TBC1D16: variants seen among roughly 807,000 people sequenced by gnomAD.
TBC1D16 encodes CTD-2529O21.1.
In TBC1D16, 58 loss-of-function variants were observed where a neutral mutation model predicts 74.7. That is an observed-to-expected ratio of 0.78 (90% confidence interval 0.63 to 0.97). The LOEUF (loss-of-function observed/expected upper bound fraction) is 0.97. Ranked by LOEUF, TBC1D16 falls within the 50% of genes least tolerant of loss-of-function variation. The probability of loss-of-function intolerance (pLI) is 0.00; values close to 1 mark genes in which losing one functional copy is unlikely to be tolerated. For synonymous variants in TBC1D16, 493 were observed against 474.7 expected (o/e 1.04, Z -0.50); for missense variants, 1,014 against 1,079.5 (o/e 0.94, Z 0.85).
chr17:79,951,687 G>C lies in TBC1D16; in HGVS notation c.942-90C>G, dbSNP rs1170357981. On this transcript the variant is annotated intron_variant, in intron 4 of 11. Coordinates refer to ENST00000310924, the MANE Select transcript of TBC1D16 (RefSeq NM_019020.4). Reference sequence around the variant, plus strand: ...CCAAGTATAATCAGAGGCCACTGTCGCCAACCTCAGAAGCAGGAAACAGTG... The same window carrying C: ...CCAAGTATAATCAGAGGCCACTGTCCCCAACCTCAGAAGCAGGAAACAGTG... 14 of 1,458,538 alleles carry C rather than the reference G, an allele frequency of 9.6e-6. No individual in the cohort carries two copies. The South Asian group carries it at 1.7e-4, about 18-fold the overall frequency. The allele number at this position is 1,458,538 out of a possible 1,614,324, so 90.3% of individuals were successfully genotyped here.
At position 79,939,923 on chromosome 17, in the gene TBC1D16, ACAAAGCAGATCATTGT is replaced by A. The variant is rs2031844100; in HGVS notation, c.*920_*935del. 1.3e-5 allele frequency: 2 copies of A among 152,246 alleles called. No homozygotes were observed. The highest frequency in any genetic ancestry group is 2.9e-5 in the Non-Finnish European group (2 of 68,054). 9.4% of individuals were successfully genotyped at this position (152,246 alleles called of 1,614,324 possible). On this transcript the variant is annotated 3_prime_UTR_variant, in exon 12 of 12. Transcript: ENST00000310924. ...GCTAATACACTACCACGTCCCTGGGACAAAGCAGATCATTGTCAGAGGATCTTGCAAACACAAACAC... is the reference window on the plus strand; with the variant it reads ...GCTAATACACTACCACGTCCCTGGGACAGAGGATCTTGCAAACACAAACAC...
rs1335295130 is a variant in TBC1D16 at position 79,975,856 on chromosome 17, C to A, written c.780-23038G>T. 6.6e-6 allele frequency among the ~76,000 whole-genome samples: 1 copy of A among 152,182 alleles called. No individual in the cohort carries two copies. Among genetic ancestry groups the A allele is most frequent in the Non-Finnish European group, 1.5e-5 (1 of 68,038 alleles). On this transcript the variant is annotated intron_variant, in intron 3 of 11. Coordinates refer to ENST00000310924, the MANE Select transcript of TBC1D16 (RefSeq NM_019020.4). The surrounding 1 kb of genome is among the most constrained non-coding windows in gnomAD (Gnocchi z 4.5). ...TGACGGGGTCTGTGCAGAGACCGGG[C>A]AGAGCTCTGGGCTTCAGGATGGCAG... is the stretch of plus-strand genomic sequence containing the variant.
chr17:80,026,968 A>C (rs1218344628), intron 1 of TBC1D16, among the ~76,000 whole-genome samples: 1 of 150,664 alleles, frequency 6.6e-6, no homozygotes, highest in Non-Finnish European at 1.5e-5. Flanking sequence ...AGCCAGCAGA[A>C]CTCCTAAGAC....
intron 3 of TBC1D16, among the ~76,000 whole-genome samples, chr17:79,960,360 A>G (rs1175733847): frequency 2.0e-5 from 3 of 152,214 alleles, no homozygotes; most frequent in African/African-American, 4.8e-5. Flanking sequence ...AAGGTGCTCG[A>G]CAGCATTCAT....
rs184392828 is a variant in TBC1D16, at chr17:80,009,970, G to C, written c.779+190C>G. 6.6e-6 allele frequency among the ~76,000 whole-genome samples: 1 copy of C among 152,310 alleles called. No homozygotes were observed. Among genetic ancestry groups the C allele is most frequent in the East Asian group, 1.9e-4 (1 of 5,162 alleles). ...CACAGTCCTCTCAGTGGGGTGTAAAGTGGGGACTCCCTGCTGAAGCCCTTG... is the reference window on the plus strand; with the variant it reads ...CACAGTCCTCTCAGTGGGGTGTAAACTGGGGACTCCCTGCTGAAGCCCTTG... On this transcript the variant is annotated intron_variant, in intron 3 of 11. Transcript: ENST00000310924. This position sits in a 1 kb window ranked among gnomAD's most constrained non-coding sequence, Gnocchi z 5.4.
At chr17:80,003,805 T>C (rs1447383637) in intron 3 of TBC1D16, among the ~76,000 whole-genome samples, 1 of 152,148 alleles carries the variant, frequency 6.6e-6, no homozygotes, top group African/African-American at 2.4e-5. Context: ...ATCCCAGCAC[T>C]TTGGGAGGTC....
chr17:79,999,724 A>G (rs1370572266), intron 3 of TBC1D16, among the ~76,000 whole-genome samples: 1 of 151,590 alleles, frequency 6.6e-6, no homozygotes, highest in East Asian at 1.9e-4. Context: ...AGTACTTTTT[A>G]GTAGAGACGG....
At chr17:79,984,724 A>C (rs1436741436) in intron 3 of TBC1D16, among the ~76,000 whole-genome samples, 1 of 151,674 alleles carries the variant, frequency 6.6e-6, no homozygotes, top group Non-Finnish European at 1.5e-5. Context: ...AAAAACAGTT[A>C]AAAAGAGCAA....
chr17:80,032,832 A>G (rs2036820410), intron 1 of TBC1D16, among the ~76,000 whole-genome samples: 1 of 152,218 alleles, frequency 6.6e-6, no homozygotes, highest in Admixed American at 6.5e-5. Context: ...TGCTGGATGA[A>G]ACAAAGTAGC....
Position 79,950,366 on chromosome 17 carries a change from C to T in TBC1D16, c.1257+45G>A. The T allele has an allele frequency of 6.5e-7, 1 of 1,541,642 alleles. No individual in the cohort carries two copies. Among genetic ancestry groups the T allele is most frequent in the South Asian group, 1.2e-5 (1 of 81,636 alleles). ...CTTCCCTCTCGCTCGTTCCCGGTTC[C>T]CGGCCGGCTCTCCGCGGGGCCAGCT... On this transcript the variant is annotated intron_variant, in intron 6 of 11. Transcript: ENST00000310924. The surrounding 1 kb of genome is among the most constrained non-coding windows in gnomAD (Gnocchi z 4.6).
intron 3 of TBC1D16, among the ~76,000 whole-genome samples, chr17:79,970,979 C>A (rs1250961233): frequency 1.3e-5 from 2 of 152,170 alleles, no homozygotes; most frequent in South Asian, 2.1e-4. Context: ...GAAGTGATCT[C>A]ATATTGTAAA....
At chr17:80,023,743 A>G (rs2036376745) in intron 1 of TBC1D16, among the ~76,000 whole-genome samples, 1 of 143,736 alleles carries the variant, frequency 7.0e-6, no homozygotes, top group African/African-American at 2.7e-5. Flanking sequence ...CCCTCCCACC[A>G]CCCCGGCCAC....
chr17:80,017,644 G>A (rs935825866), intron 1 of TBC1D16, among the ~76,000 whole-genome samples: 3 of 134,300 alleles, frequency 2.2e-5, no homozygotes, highest in African/African-American at 5.6e-5. Flanking sequence ...TCGCTCCATT[G>A]CACTCCAGCC....
chr17:80,024,707 A>C (rs1342920455), intron 1 of TBC1D16, among the ~76,000 whole-genome samples: 4 of 139,020 alleles, frequency 2.9e-5, no homozygotes, highest in Admixed American at 1.6e-4. Context: ...GCCACACACG[A>C]CACACCATAG....
rs2031374125 is a variant in TBC1D16, at chr17:79,933,317, G to A, written c.*7542C>T. ...TACTGAGGGTCCGTCTCACTGGGAC[G>A]AAGAGGGGGCACAGATGCAGGTATG... On this transcript the variant is annotated 3_prime_UTR_variant, in exon 12 of 12. Coordinates refer to ENST00000310924, the MANE Select transcript of TBC1D16 (RefSeq NM_019020.4). The A allele has an allele frequency of 2.0e-5, 3 of 152,234 alleles. No individual in the cohort carries two copies. The highest frequency in any genetic ancestry group is 1.9e-4 in the East Asian group (1 of 5,174). 9.4% of individuals were successfully genotyped at this position (152,234 alleles called of 1,614,324 possible). A position where few individuals can be genotyped will look rare whatever the true frequency, so the allele number is the denominator to read the frequency against.
chr17:80,023,323 C>T (rs1598440228), intron 1 of TBC1D16, among the ~76,000 whole-genome samples: 1 of 150,010 alleles, frequency 6.7e-6, no homozygotes, highest in South Asian at 2.1e-4. Flanking sequence ...GTATTGCGAA[C>T]GGGCTCCAGC....
chr17:79,948,754 T>C, intron 8 of TBC1D16, 118 bp downstream of exon 8: 1 of 1,331,232 alleles, frequency 7.5e-7, no homozygotes, highest in Non-Finnish European at 1.1e-6. Context: ...GGCTTTGATG[T>C]ATGAACCTGG....
At chr17:79,953,088 G>T (rs911009755) in intron 3 of TBC1D16, 2 of 305,012 alleles carry the variant, frequency 6.6e-6, no homozygotes, top group Non-Finnish European at 6.0e-6. Flanking sequence ...CGTCCTGACA[G>T]CCAAGGTCAC....
chr17:80,025,021 C>CA (rs2036505912), intron 1 of TBC1D16, among the ~76,000 whole-genome samples: 4 of 7,412 alleles, frequency 5.4e-4, no homozygotes, highest in African/African-American at 5.3e-4. Flanking sequence ...CACACACACA[C>CA]CACAGATGCA....
Sources: gnomAD v4.1 joint callset for allele counts (sites outside exome capture counted in the v4.1 genomes callset) on GRCh38, gnomAD v4.1.1 for gene constraint, Gnocchi (gnomAD v3.1) non-coding constraint, MANE v1.5 for transcripts, NCBI Gene and HGNC (gene_info 2026-07-23, HGNC 2026-07-21) for gene names.